The following NEBL variants were observed in gnomAD, a reference collection of about 807,000 sequenced individuals.
NEBL encodes the protein LIM and SH3 protein 2.
Under a neutral mutation model 140.2 loss-of-function variants are expected in NEBL, and 122 were observed. The ratio of observed to expected loss-of-function variants is 0.87; its 90% CI spans 0.75 to 1.01. NEBL has a LOEUF of 1.01. Among genes scored for constraint, NEBL ranks in the 50% least tolerant of loss-of-function variants. The pLI is 0.00. For synonymous variants in NEBL, 436 were observed against 398.9 expected (o/e 1.09, Z -1.11); for missense variants, 1,365 against 1,231.3 (o/e 1.11, Z -1.62).
chr10:21,126,566 T>C (rs1838845915), intron 2 of NEBL, among the ~76,000 whole-genome samples: 1 of 152,074 alleles, frequency 6.6e-6, no homozygotes, highest in Non-Finnish European at 1.5e-5. Flanking sequence ...AAGCTACAAC[T>C]AAAAGGAATC....
At chr10:20,988,830 A>T (rs1589112745) in intron 3 of NEBL, among the ~76,000 whole-genome samples, 3 of 152,216 alleles carry the variant, frequency 2.0e-5, no homozygotes, top group Admixed American at 1.3e-4. Context: ...TGCTAAATCC[A>T]TTGGGCAATT....
chr10:21,072,406 G>A (rs952000763), intron 2 of NEBL, among the ~76,000 whole-genome samples: 2 of 152,174 alleles, frequency 1.3e-5, no homozygotes, highest in African/African-American at 4.8e-5. Flanking sequence ...CACATTCTGA[G>A]GTTGTAGGTG....
At chr10:20,913,517 T>C (rs1407394089) in intron 4 of NEBL, among the ~76,000 whole-genome samples, 1 of 152,210 alleles carries the variant, frequency 6.6e-6, no homozygotes, top group Non-Finnish European at 1.5e-5. Flanking sequence ...TAAGAGGTTT[T>C]AAACATCTTT....
chr10:20,978,519 G>T (rs75562535), intron 3 of NEBL, among the ~76,000 whole-genome samples: 7,224 of 152,132 alleles, frequency 0.047, 216 homozygotes, highest in African/African-American at 0.077. Context: ...TGCTTTCAGA[G>T]GCCAAGGTGG....
intron 2 of NEBL, among the ~76,000 whole-genome samples, chr10:21,028,282 A>AAGAAG (rs1554819383): frequency 5.4e-5 from 8 of 149,018 alleles, no homozygotes; most frequent in East Asian, 2.0e-4. Context: ...GAAGAATGAG[A>AAGAAG]AATAAAACAT....
At chr10:21,184,190 G>C (rs926403425) in intron 3 of NEBL, among the ~76,000 whole-genome samples, 2 of 152,168 alleles carry the variant, frequency 1.3e-5, no homozygotes, top group African/African-American at 4.8e-5. Context: ...TATTACTTTT[G>C]TTTTCCTATT....
chr10:21,219,686 A>G (rs1842040703), intron 3 of NEBL, among the ~76,000 whole-genome samples: 1 of 152,146 alleles, frequency 6.6e-6, no homozygotes, highest in Non-Finnish European at 1.5e-5. Context: ...TAGTATATGT[A>G]TTTTGACAAT....
In NEBL at chr10:20,887,971, G is replaced by T. The variant is rs1388827196; in HGVS notation, c.369+126C>A. On this transcript the variant is annotated intron_variant, in intron 4 of 27. Coordinates refer to ENST00000377122, the MANE Select transcript of NEBL (RefSeq NM_006393.3). Reference sequence around the variant, plus strand: ...GCAACTACTGACAGCACATTAATCAGTTGCTTTCAACTTTCATTTGGTATT... The same window carrying T: ...GCAACTACTGACAGCACATTAATCATTTGCTTTCAACTTTCATTTGGTATT... The T allele has an allele frequency of 4.1e-6, 3 of 733,872 alleles. No individual in the cohort carries two copies. The African/African-American group carries it at 5.3e-5, about 13-fold the overall frequency. 45.5% of individuals were successfully genotyped at this position (733,872 alleles called of 1,614,324 possible).
intron 2 of NEBL, chr10:21,170,585 T>C (rs1841029102): frequency 6.6e-6 from 1 of 152,526 alleles, no homozygotes; most frequent in Non-Finnish European, 1.5e-5. Flanking sequence ...GCTATTCCAA[T>C]AGGAAGCACG....
chr10:21,146,629 G>A, intron 2 of NEBL: 1 of 684,304 alleles, frequency 1.5e-6, no homozygotes, highest in Non-Finnish European at 2.5e-6. Flanking sequence ...AAACACATTT[G>A]AAATAGATTT....
intron 3 of NEBL, among the ~76,000 whole-genome samples, chr10:20,990,036 T>A (rs549319500): frequency 1.3e-5 from 2 of 152,336 alleles, no homozygotes; most frequent in East Asian, 3.9e-4. Flanking sequence ...AAGTATTATT[T>A]ATACTTGTCA....
At chr10:21,033,576 C>T (rs1391120108) in intron 2 of NEBL, among the ~76,000 whole-genome samples, 1 of 151,938 alleles carries the variant, frequency 6.6e-6, no homozygotes, top group Non-Finnish European at 1.5e-5. Flanking sequence ...CCCATCTCTA[C>T]TAAACATACA....
intron 3 of NEBL, among the ~76,000 whole-genome samples, chr10:21,188,692 C>T (rs1467155933): frequency 6.6e-6 from 1 of 151,630 alleles, no homozygotes; most frequent in Non-Finnish European, 1.5e-5. Context: ...CCTCCGCCTC[C>T]CGGGTTCCAG....
chr10:21,029,407 A>T (rs1377788539), intron 2 of NEBL: 1 of 1,611,394 alleles, frequency 6.2e-7, no homozygotes, highest in African/African-American at 1.3e-5. Context: ...AGAGAGGTTG[A>T]AAGGTTTTGG....
chr10:20,844,151 C>G (rs1398694554), intron 12 of NEBL, among the ~76,000 whole-genome samples: 1 of 152,098 alleles, frequency 6.6e-6, no homozygotes, highest in Non-Finnish European at 1.5e-5. Context: ...CACTGAATCA[C>G]ATTAAATTTC....
At chr10:20,944,915 C>G (rs116960318) in intron 4 of NEBL, among the ~76,000 whole-genome samples, 376 of 152,188 alleles carry the variant, frequency 2.5e-3, no homozygotes, top group Non-Finnish European at 4.8e-3. Flanking sequence ...CCACAAGATC[C>G]CATATGACAA....
chr10:21,263,921 CACCAT>C (rs1311237017), intron 1 of NEBL, among the ~76,000 whole-genome samples: 2 of 152,098 alleles, frequency 1.3e-5, no homozygotes, highest in African/African-American at 4.8e-5. Context: ...GCCAAGATCA[CACCAT>C]TGCACTCCAG....
At chr10:20,819,305 G>T in intron 20 of NEBL, 119 bp downstream of exon 20, 1 of 1,474,298 alleles carries the variant, frequency 6.8e-7, no homozygotes. Context: ...TTATTATGCA[G>T]TATTTGGTTT....
At chr10:21,053,822 C>G (rs892190816) in intron 2 of NEBL, among the ~76,000 whole-genome samples, 2 of 152,082 alleles carry the variant, frequency 1.3e-5, no homozygotes, top group Admixed American at 6.5e-5. Context: ...CACTTGAGGT[C>G]AAGAGTTCGA....
Sources: allele counts gnomAD v4.1 joint callset (sites outside exome capture counted in the v4.1 genomes callset), GRCh38; gene constraint gnomAD v4.1.1; transcripts MANE v1.5; gene names NCBI Gene and HGNC (gene_info 2026-07-23, HGNC 2026-07-21).